PPP2R3A: variants seen among roughly 807,000 people sequenced by gnomAD.
PPP2R3A encodes protein phosphatase 2 regulatory subunit B''alpha, also known as serine/threonine-protein phosphatase 2A regulatory subunit B'' subunit alpha.
A neutral mutation model predicts 106.9 loss-of-function variants in PPP2R3A; 80 were observed. The ratio of observed to expected loss-of-function variants is 0.75; its 90% CI spans 0.62 to 0.90. The LOEUF (loss-of-function observed/expected upper bound fraction) is 0.90. PPP2R3A is among the 40% of genes least tolerant of loss of function. The pLI, the probability that PPP2R3A is intolerant of heterozygous loss-of-function variation, is 0.00. For missense variants in PPP2R3A, 1,386 were observed against 1,350.4 expected (o/e 1.03, Z -0.41); for synonymous variants, 483 against 468.3 (o/e 1.03, Z -0.41).
chr3:135,966,109 G>A (rs1186496639), intron 1 of PPP2R3A, among the ~76,000 whole-genome samples: 1 of 152,130 alleles, frequency 6.6e-6, no homozygotes, highest in African/African-American at 2.4e-5. Flanking sequence ...GGGAGGTGTG[G>A]AAATTGCCTG....
chr3:136,087,711 T>G (rs1275850594), intron 8 of PPP2R3A, 172 bp from the exon 9 acceptor site: 2 of 504,962 alleles, frequency 4.0e-6, no homozygotes, highest in Non-Finnish European at 7.0e-6. Flanking sequence ...TTGCCTGTTA[T>G]TTTTTAAAAT....
chr3:135,970,340 T>G (rs536633663), intron 1 of PPP2R3A, among the ~76,000 whole-genome samples: 1 of 152,322 alleles, frequency 6.6e-6, no homozygotes, highest in South Asian at 2.1e-4. Context: ...TGTTTTTTAT[T>G]AAATGAGAGA....
In PPP2R3A at chr3:136,003,069, A is replaced by C; in HGVS notation, c.1571A>C (p.Glu524Ala). The C allele has an allele frequency of 6.2e-7, 1 of 1,611,832 alleles. No homozygotes were observed. Residue 524 changes from glutamate (E) to alanine (A), a missense_variant, in exon 2 of 14, where the codon GAG becomes GCG. Transcript: ENST00000264977. ...MDLESFSQKM[E>A]TSLREPLAKG... is the part of the protein sequence containing the mutation. The stretch of plus-strand genomic sequence containing the variant: ...TTGGAATCTTTTTCACAGAAGATGG[A>C]GACCTCTCTAAGAGAGCCACTTGCG...
intron 5 of PPP2R3A, among the ~76,000 whole-genome samples, chr3:136,056,551 A>C (rs1297532537): frequency 2.0e-5 from 3 of 152,182 alleles, no homozygotes; most frequent in African/African-American, 7.2e-5. Context: ...GAACCGTAAA[A>C]CAAAACCTTT....
chr3:136,003,364 G>A lies in PPP2R3A; in HGVS notation c.1866G>A (p.Met622Ile). Residue 622 changes from methionine to isoleucine, a missense_variant, in exon 2 of 14, where the codon ATG (methionine) becomes ATA (isoleucine). Transcript: ENST00000264977. ...GCCTATCACAAGAAAAGGAAATGAT[G>A]CAAATTCTACAGGAAACCTTGACAA... ...RGSLSQEKEM[M>I]QILQETLTTS... The A allele has an allele frequency of 6.2e-7, 1 of 1,613,946 alleles. No individual in the cohort carries two copies. The highest frequency in any genetic ancestry group is 8.5e-7 in the Non-Finnish European group (1 of 1,179,940).
At chr3:136,020,058 A>G (rs1352671578) in intron 2 of PPP2R3A, among the ~76,000 whole-genome samples, 1 of 152,150 alleles carries the variant, frequency 6.6e-6, no homozygotes, top group Non-Finnish European at 1.5e-5. Flanking sequence ...CATATCAAGC[A>G]AAGTGTCTGG....
chr3:136,136,074 T>TATATATATATATA (rs1491542071), intron 13 of PPP2R3A, among the ~76,000 whole-genome samples: 343 of 30,210 alleles, frequency 0.011, 6 homozygotes, highest in Non-Finnish European at 0.015. Context: ...AAAAAAAAAA[T>TATATATATATATA]TATATATATA....
At chr3:135,988,263 A>C (rs1355060298) in intron 1 of PPP2R3A, among the ~76,000 whole-genome samples, 9 of 152,150 alleles carry the variant, frequency 5.9e-5, no homozygotes, top group South Asian at 2.1e-4. Context: ...AAAAAAAAAA[A>C]AAAACAGTTT....
chr3:136,053,337 A>G (rs1164730987), intron 5 of PPP2R3A, among the ~76,000 whole-genome samples: 1 of 152,230 alleles, frequency 6.6e-6, no homozygotes, highest in African/African-American at 2.4e-5. Context: ...AAATAGTTTA[A>G]TAATAAATGG....
chr3:136,099,874 A>G (rs1003054057), intron 10 of PPP2R3A, among the ~76,000 whole-genome samples: 2 of 151,700 alleles, frequency 1.3e-5, no homozygotes, highest in African/African-American at 4.8e-5. Context: ...TGCGGCTAGT[A>G]GCTATACCAT....
intron 1 of PPP2R3A, among the ~76,000 whole-genome samples, chr3:135,974,945 C>T (rs1286454699): frequency 1.3e-5 from 2 of 152,186 alleles, no homozygotes; most frequent in Non-Finnish European, 2.9e-5. Flanking sequence ...TTTTGTAGAT[C>T]GTAGGCATAT....
chr3:136,030,267 G>A (rs1413296764), intron 3 of PPP2R3A, among the ~76,000 whole-genome samples: 1 of 151,534 alleles, frequency 6.6e-6, no homozygotes, highest in Non-Finnish European at 1.5e-5. Context: ...CTGGGAAGTT[G>A]AGGGGGATGT....
chr3:135,986,378 C>G (rs555247171), intron 1 of PPP2R3A, among the ~76,000 whole-genome samples: 1 of 152,242 alleles, frequency 6.6e-6, no homozygotes, highest in East Asian at 1.9e-4. Context: ...CTTCAGCAAC[C>G]TTGCCTGGCT....
intron 13 of PPP2R3A, among the ~76,000 whole-genome samples, chr3:136,115,465 T>G (rs914089121): frequency 6.6e-6 from 1 of 151,884 alleles, no homozygotes; most frequent in African/African-American, 2.4e-5. Context: ...CCAAAGGAAC[T>G]TGTTCTAACC....
At chr3:136,041,122 A>G (rs1213883024) in intron 4 of PPP2R3A, among the ~76,000 whole-genome samples, 160 bp downstream of exon 4, 1 of 152,118 alleles carries the variant, frequency 6.6e-6, no homozygotes, top group Non-Finnish European at 1.5e-5. Context: ...ATACTCACAT[A>G]CAAGTTCTTT....
chr3:136,145,397 C>T lies in PPP2R3A; in HGVS notation c.*231C>T, dbSNP rs540167843. On this transcript the variant is annotated 3_prime_UTR_variant, in exon 14 of 14. Coordinates refer to ENST00000264977, the MANE Select transcript of PPP2R3A (RefSeq NM_002718.5). ...AGCTTCTCCTCAGAAGTGGTACCAT[C>T]GCCTTCCAAAGTCAGCACTCTACAC... is the stretch of plus-strand genomic sequence containing the variant. 4 of 367,298 alleles carry T rather than the reference C, an allele frequency of 1.1e-5. No individual in the cohort carries two copies. The South Asian group carries it at 1.1e-4, about 10-fold the overall frequency. 22.8% of individuals were successfully genotyped at this position (367,298 alleles called of 1,614,324 possible).
chr3:135,979,623 G>A (rs1424822021), intron 1 of PPP2R3A, among the ~76,000 whole-genome samples: 1 of 151,720 alleles, frequency 6.6e-6, no homozygotes, highest in African/African-American at 2.4e-5. Flanking sequence ...AATCCATGTT[G>A]TTGCTTTGGT....
intron 2 of PPP2R3A, among the ~76,000 whole-genome samples, chr3:136,020,078 G>T (rs1300260327): frequency 2.0e-5 from 3 of 152,016 alleles, no homozygotes; most frequent in African/African-American, 7.2e-5. Flanking sequence ...GCATATAAGT[G>T]ATTATATATA....
At chr3:136,132,349 G>A (rs944652016) in intron 13 of PPP2R3A, among the ~76,000 whole-genome samples, 3 of 151,964 alleles carry the variant, frequency 2.0e-5, no homozygotes, top group African/African-American at 7.2e-5. Context: ...CAGATGATGT[G>A]ACCTACAAAT....
Sources: allele counts gnomAD v4.1 joint callset (sites outside exome capture counted in the v4.1 genomes callset), GRCh38; gene constraint gnomAD v4.1.1; transcripts MANE v1.5; gene names NCBI Gene and HGNC (gene_info 2026-07-23, HGNC 2026-07-21).